GCGR: variants seen among roughly 807,000 people sequenced by gnomAD.
GCGR encodes the protein glucagon receptor.
A neutral mutation model predicts 56.1 loss-of-function variants in GCGR; 41 were observed. The ratio of observed to expected loss-of-function variants is 0.73; its 90% CI spans 0.57 to 0.95. The LOEUF is 0.95. GCGR is among the 40% of genes least tolerant of loss of function. GCGR has a pLI of 0.00. For missense variants in GCGR, 595 were observed against 638.2 expected, an observed-to-expected ratio of 0.93 and a Z score of 0.73; for synonymous variants, 278 against 271.1, an observed-to-expected ratio of 1.03 and a Z score of -0.25.
chr17:81,811,644 G>A lies in GCGR; in HGVS notation c.658-7G>A. On this transcript the variant is annotated splice_polypyrimidine_tract_variant and splice_region_variant and intron_variant, in intron 7 of 13. Coordinates refer to ENST00000400723, the MANE Select transcript of GCGR (RefSeq NM_000160.5). This position sits in a 1 kb window ranked among gnomAD's most constrained non-coding sequence, Gnocchi z 5.8. The stretch of plus-strand genomic sequence containing the variant: ...ACGTAGCCGCGCTCACACTGCACCT[G>A]TACCAGGCGGTGGCTGGCTGCCGTG... 2 of 1,536,330 alleles carry A rather than the reference G, an allele frequency of 1.3e-6. No individual in the cohort carries two copies. Among genetic ancestry groups the A allele is most frequent in the East Asian group, 2.4e-5 (1 of 40,920 alleles).
In GCGR at chr17:81,812,133, C is replaced by A; in HGVS notation, c.879-50C>A. ...AAATCGGGACGGGGGTGCTGAGGGG[C>A]GGAGGGGCTGGGGGCTGTGCCCCAG... On this transcript the variant is annotated intron_variant, in intron 9 of 13. Transcript: ENST00000400723. This position sits in a 1 kb window ranked among gnomAD's most constrained non-coding sequence, Gnocchi z 8.5. 1 of 1,459,586 alleles carries A rather than the reference C, an allele frequency of 6.9e-7. No individual in the cohort carries two copies. The highest frequency in any genetic ancestry group is 9.1e-7 in the Non-Finnish European group (1 of 1,096,582). The allele number at this position is 1,459,586 out of a possible 1,614,324, so 90.4% of individuals were successfully genotyped here.
chr17:81,812,522 A>C lies in GCGR; in HGVS notation c.949-55A>C. ...GGGTCAGGTGGGGCCTTCCAAGGGCACAGAGCTGTTCCCTGGGGCTCGGGA... is the reference window on the plus strand; with the variant it reads ...GGGTCAGGTGGGGCCTTCCAAGGGCCCAGAGCTGTTCCCTGGGGCTCGGGA... On this transcript the variant is annotated intron_variant, in intron 10 of 13. Transcript: ENST00000400723. This position sits in a 1 kb window ranked among gnomAD's most constrained non-coding sequence, Gnocchi z 8.5. The C allele has an allele frequency of 6.7e-7, 1 of 1,492,802 alleles. No individual in the cohort carries two copies. The highest frequency in any genetic ancestry group is 1.2e-5 in the South Asian group (1 of 82,006). 92.5% of individuals were successfully genotyped at this position (1,492,802 alleles called of 1,614,324 possible). A position where few individuals can be genotyped will look rare whatever the true frequency, so the allele number is the denominator to read the frequency against.
rs899064710 is a variant in GCGR at position 81,810,898 on chromosome 17, C to G, written c.237C>G (p.Ile79Met). The change falls in exon 4 of 14, where the codon ATC becomes ATG. Residue 79 changes from isoleucine to methionine, a missense_variant. Ile to Met is a conservative substitution (Grantham distance 10). Coordinates refer to ENST00000400723, the MANE Select transcript of GCGR (RefSeq NM_000160.5). This position sits in a 1 kb window ranked among gnomAD's most constrained non-coding sequence, Gnocchi z 4.6. ...PDTPANTTAN[I>M]SCPWYLPWHH... ...CCCCCGCCAATACCACGGCCAACAT[C>G]TCCTGCCCCTGGTACCTGCCTTGGC... is the stretch of plus-strand genomic sequence containing the variant. The G allele has an allele frequency of 1.3e-6, 2 of 1,536,652 alleles. No homozygotes were observed. The highest frequency in any genetic ancestry group is 2.7e-5 in the African/African-American group (2 of 73,024).
At position 81,811,857 on chromosome 17, in the gene GCGR, T is replaced by C; in HGVS notation, c.818-29T>C. ...GGGGTTAAGGCAGGCTGACCAAGCCTTTGGGACCACAGCTGCTGCCCCCCA... is the reference window on the plus strand; with the variant it reads ...GGGGTTAAGGCAGGCTGACCAAGCCCTTGGGACCACAGCTGCTGCCCCCCA... On this transcript the variant is annotated intron_variant, in intron 8 of 13. Coordinates refer to ENST00000400723, the MANE Select transcript of GCGR (RefSeq NM_000160.5). The surrounding 1 kb of genome is among the most constrained non-coding windows in gnomAD (Gnocchi z 5.8). The C allele has an allele frequency of 2.0e-6, 3 of 1,536,980 alleles. No homozygotes were observed. The highest frequency in any genetic ancestry group is 2.6e-6 in the Non-Finnish European group (3 of 1,146,864).
chr17:81,811,437 G>A lies in GCGR; in HGVS notation c.534G>A (p.Ala178=), dbSNP rs373859578. ...ACTGCACCCGCAATGCCATCCACGC[G>A]AATCTGTTTGCGTCCTTCGTGCTGA... The part of the protein sequence containing the change: ...KLHCTRNAIH[A]NLFASFVLKA... Residue 178 remains alanine, a synonymous_variant, in exon 7 of 14, where the codon GCG becomes GCA. Coordinates refer to ENST00000400723, the MANE Select transcript of GCGR (RefSeq NM_000160.5). This position sits in a 1 kb window ranked among gnomAD's most constrained non-coding sequence, Gnocchi z 5.8. 104 of 1,536,464 alleles carry A rather than the reference G, an allele frequency of 6.8e-5. No individual in the cohort carries two copies. Among genetic ancestry groups the A allele is most frequent in the Middle Eastern group, 1.7e-4 (1 of 6,012 alleles).
Position 81,808,949 on chromosome 17 carries a change from C to CA in GCGR, c.-70_-69insA. 1 of 1,520,512 alleles carries CA rather than the reference C, an allele frequency of 6.6e-7. No homozygotes were observed. The allele number at this position is 1,520,512 out of a possible 1,614,324, so 94.2% of individuals were successfully genotyped here. On this transcript the variant is annotated 5_prime_UTR_variant, in exon 2 of 14. Coordinates refer to ENST00000400723, the MANE Select transcript of GCGR (RefSeq NM_000160.5). ...GCTGCCCTCGGAGGAGCGTACACAC[C>CA]CACCAGGACTGCATTGCCCCAGCTG...
chr17:81,813,451 G>T lies in GCGR; in HGVS notation c.1219-23G>T. 6.5e-7 allele frequency: 1 copy of T among 1,532,812 alleles called. No homozygotes were observed. The highest frequency in any genetic ancestry group is 8.7e-7 in the Non-Finnish European group (1 of 1,145,854). The allele number at this position is 1,532,812 out of a possible 1,614,324, so 95.0% of individuals were successfully genotyped here. On this transcript the variant is annotated intron_variant, in intron 13 of 13. Transcript: ENST00000400723. This position sits in a 1 kb window ranked among gnomAD's most constrained non-coding sequence, Gnocchi z 5.3. ...AGAGGACAGGCAGGCCCTAGGACTGGCCTGCCCCGTCCCCCTCCCCAGGTG... is the reference window on the plus strand; with the variant it reads ...AGAGGACAGGCAGGCCCTAGGACTGTCCTGCCCCGTCCCCCTCCCCAGGTG...
chr17:81,811,669 G>T lies in GCGR; in HGVS notation c.676G>T (p.Val226Leu). ...GTACCAGGCGGTGGCTGGCTGCCGT[G>T]TGGCCGCGGTGTTCATGCAATATGG... ...LSDGAVAGCR[V>L]AAVFMQYGIV... The change falls in exon 8 of 14, where the codon GTG (valine) becomes TTG (leucine). Residue 226 changes from valine (V) to leucine (L), a missense_variant. Coordinates refer to ENST00000400723, the MANE Select transcript of GCGR (RefSeq NM_000160.5). The surrounding 1 kb of genome is among the most constrained non-coding windows in gnomAD (Gnocchi z 5.8). 1 of 1,537,034 alleles carries T rather than the reference G, an allele frequency of 6.5e-7. No homozygotes were observed.
At position 81,813,339 on chromosome 17, in the gene GCGR, C is replaced by T; in HGVS notation, c.1219-135C>T. ...GCGATGCTGGGTGGCATAGCTGTGC[C>T]CAGCAGGGAGCTTGTGTCGCTCTGC... On this transcript the variant is annotated intron_variant, in intron 13 of 13. Transcript: ENST00000400723. The surrounding 1 kb of genome is among the most constrained non-coding windows in gnomAD (Gnocchi z 5.3). The T allele has an allele frequency of 1.1e-6, 1 of 941,594 alleles. No homozygotes were observed. The highest frequency in any genetic ancestry group is 1.6e-5 in the South Asian group (1 of 61,760). The allele number at this position is 941,594 out of a possible 1,614,324, so 58.3% of individuals were successfully genotyped here.
Position 81,813,387 on chromosome 17 carries a change from C to A in GCGR, c.1219-87C>A. Reference sequence around the variant, plus strand: ...TGCACCCCTCAGAGCGGAGACTGGGCATCTCCGATGAGGCCCACAGCAGGT... The same window carrying A: ...TGCACCCCTCAGAGCGGAGACTGGGAATCTCCGATGAGGCCCACAGCAGGT... On this transcript the variant is annotated intron_variant, in intron 13 of 13. Coordinates refer to ENST00000400723, the MANE Select transcript of GCGR (RefSeq NM_000160.5). The surrounding 1 kb of genome is among the most constrained non-coding windows in gnomAD (Gnocchi z 5.3). 1 of 1,243,490 alleles carries A rather than the reference C, an allele frequency of 8.0e-7. No homozygotes were observed. The highest frequency in any genetic ancestry group is 1.4e-5 in the South Asian group (1 of 73,298). 77.0% of individuals were successfully genotyped at this position (1,243,490 alleles called of 1,614,324 possible). A position where few individuals can be genotyped will look rare whatever the true frequency, so the allele number is the denominator to read the frequency against.
chr17:81,804,931 G>A lies in GCGR; in HGVS notation c.-178+682G>A, dbSNP rs377214123. Among the ~76,000 whole-genome samples, 1 of 152,172 alleles carries A rather than the reference G, an allele frequency of 6.6e-6. No individual in the cohort carries two copies. Among genetic ancestry groups the A allele is most frequent in the African/African-American group, 2.4e-5 (1 of 41,460 alleles). ...TCGGCGCCCGCATCCTCCAAGGACC[G>A]GCCAGGGCTGCTCTCTGCCCTTGGT... On this transcript the variant is annotated intron_variant, in intron 1 of 13. Transcript: ENST00000400723. This position sits in a 1 kb window ranked among gnomAD's most constrained non-coding sequence, Gnocchi z 8.2.
chr17:81,808,798 C>G (rs545866767), intron 1 of GCGR, 44 bp from the exon 2 acceptor site: 5 of 600,368 alleles, frequency 8.3e-6, no homozygotes, highest in South Asian at 4.0e-5. Flanking sequence ...GGATTACAGG[C>G]GTGAGCCGCC....
Position 81,812,971 on chromosome 17 carries a change from C to G in GCGR, c.1176+26C>G. 1 of 1,535,974 alleles carries G rather than the reference C, an allele frequency of 6.5e-7. No individual in the cohort carries two copies. The highest frequency in any genetic ancestry group is 1.2e-5 in the South Asian group (1 of 84,050). On this transcript the variant is annotated intron_variant, in intron 12 of 13. Coordinates refer to ENST00000400723, the MANE Select transcript of GCGR (RefSeq NM_000160.5). This position sits in a 1 kb window ranked among gnomAD's most constrained non-coding sequence, Gnocchi z 8.5. ...GTGCCCGCCCGCCCGCCGGCTCCCCCGCCCGGGGCGCAGTGTGCCACCCCT... is the reference window on the plus strand; with the variant it reads ...GTGCCCGCCCGCCCGCCGGCTCCCCGGCCCGGGGCGCAGTGTGCCACCCCT...
Position 81,813,108 on chromosome 17 carries a change from A to G in GCGR, c.1218+51A>G, listed in dbSNP as rs1165307875. 3.3e-6 allele frequency: 5 copies of G among 1,534,208 alleles called. No individual in the cohort carries two copies. The South Asian group carries it at 4.8e-5, about 15-fold the overall frequency. On this transcript the variant is annotated intron_variant, in intron 13 of 13. Coordinates refer to ENST00000400723, the MANE Select transcript of GCGR (RefSeq NM_000160.5). This position sits in a 1 kb window ranked among gnomAD's most constrained non-coding sequence, Gnocchi z 5.3. ...ACCATCAGCACTGGCCGTCGGGGTC[A>G]GGGGCAGAGAGAGGCACAGGGATGC...
In GCGR at chr17:81,813,992, A is replaced by T. The variant is rs1047944835; in HGVS notation, c.*303A>T. 5 of 405,064 alleles carry T rather than the reference A, an allele frequency of 1.2e-5. No homozygotes were observed. Among genetic ancestry groups the T allele is most frequent in the Non-Finnish European group, 2.3e-5 (5 of 219,092 alleles). The allele number at this position is 405,064 out of a possible 1,614,324, so 25.1% of individuals were successfully genotyped here. On this transcript the variant is annotated 3_prime_UTR_variant, in exon 14 of 14. Transcript: ENST00000400723. This position sits in a 1 kb window ranked among gnomAD's most constrained non-coding sequence, Gnocchi z 5.3. The stretch of plus-strand genomic sequence containing the variant: ...TGCATGGAAATGTCCTCCAACAATA[A>T]AGAGCTCAAGTGGTCACCGTGCATG...
chr17:81,804,801 C>A lies in GCGR; in HGVS notation c.-178+552C>A, dbSNP rs1234437232. On this transcript the variant is annotated intron_variant, in intron 1 of 13. Transcript: ENST00000400723. This position sits in a 1 kb window ranked among gnomAD's most constrained non-coding sequence, Gnocchi z 8.2. ...CACTGGCGACTTTGACCCCGGCAAGCGGGTCACTGCCCTGCCCGGCTCCGG... is the reference window on the plus strand; with the variant it reads ...CACTGGCGACTTTGACCCCGGCAAGAGGGTCACTGCCCTGCCCGGCTCCGG... Among the ~76,000 whole-genome samples the A allele has an allele frequency of 6.6e-6, 1 of 152,170 alleles. No homozygotes were observed. The highest frequency in any genetic ancestry group is 1.5e-5 in the Non-Finnish European group (1 of 68,004).
In GCGR at chr17:81,807,766, T is replaced by G. The variant is rs1329149999; in HGVS notation, c.-177-1076T>G. Among the ~76,000 whole-genome samples, 5 of 152,320 alleles carry G rather than the reference T, an allele frequency of 3.3e-5. No individual in the cohort carries two copies. The East Asian group carries it at 9.7e-4, about 29-fold the overall frequency. On this transcript the variant is annotated intron_variant, in intron 1 of 13. Transcript: ENST00000400723. ...GGACCCACAGGAAGACCCTCCCTGC[T>G]TCTCCCACAGAATTCAGTTGGTGCA...
intron 1 of GCGR, among the ~76,000 whole-genome samples, chr17:81,807,093 T>C (rs1428266513): frequency 6.6e-6 from 1 of 152,014 alleles, no homozygotes; most frequent in Non-Finnish European, 1.5e-5. Context: ...TAGATGGGGC[T>C]GTTTGATCAG....
At chr17:81,809,303 T>C (rs1454996614) in intron 2 of GCGR, among the ~76,000 whole-genome samples, 3 of 147,632 alleles carry the variant, frequency 2.0e-5, no homozygotes, top group Non-Finnish European at 4.5e-5. Flanking sequence ...TGCCTGTCTG[T>C]CTGCCTGTCC....
Sources: gnomAD v4.1 joint callset for allele counts (sites outside exome capture counted in the v4.1 genomes callset) on GRCh38, gnomAD v4.1.1 for gene constraint, Gnocchi (gnomAD v3.1) non-coding constraint, MANE v1.5 for transcripts, NCBI Gene and HGNC (gene_info 2026-07-23, HGNC 2026-07-21) for gene names.